Variants in FRMD4A observed in about 807,000 individuals in gnomAD.
FRMD4A encodes the protein FERM domain-containing protein 4A.
In FRMD4A, 29 loss-of-function variants were observed where a neutral mutation model predicts 129.1. The ratio of observed to expected loss-of-function variants is 0.22; its 90% CI spans 0.17 to 0.31. FRMD4A has a LOEUF of 0.31. Among genes scored for constraint, FRMD4A ranks in the 10% least tolerant of loss-of-function variants. The probability of loss-of-function intolerance (pLI) is 1.00; values close to 1 mark genes in which losing one functional copy is unlikely to be tolerated. For missense variants in FRMD4A, 1,272 were observed against 1,375.8 expected (o/e 0.92, Z 1.19); for synonymous variants, 634 against 571.6 (o/e 1.11, Z -1.56).
At chr10:14,330,319 A>AAG in intron 1 of FRMD4A, 136 bp from the exon 2 acceptor site, 1 of 545,460 alleles carries the variant, frequency 1.8e-6, no homozygotes, top group South Asian at 2.6e-5. Flanking sequence ...AAAAAAAAAA[A>AAG]AGAAGAAGGA....
intron 3 of FRMD4A, among the ~76,000 whole-genome samples, chr10:13,831,875 G>C (rs1329864885): frequency 6.6e-6 from 1 of 152,144 alleles, no homozygotes; most frequent in African/African-American, 2.4e-5. Flanking sequence ...CTCCAAAATG[G>C]AGACAGTGCT....
intron 2 of FRMD4A, among the ~76,000 whole-genome samples, chr10:14,010,653 C>T (rs945391377): frequency 4.8e-5 from 5 of 103,206 alleles, no homozygotes; most frequent in East Asian, 4.8e-4. Context: ...AATTAATTGT[C>T]GAGTTTAGGT....
At chr10:14,280,318 T>C (rs993291063) in intron 2 of FRMD4A, among the ~76,000 whole-genome samples, 8 of 151,834 alleles carry the variant, frequency 5.3e-5, no homozygotes, top group African/African-American at 1.7e-4. Flanking sequence ...GAAAATACTT[T>C]TTTTTTTTTT....
At chr10:13,770,325 C>T (rs2092420018) in intron 6 of FRMD4A, among the ~76,000 whole-genome samples, 1 of 152,224 alleles carries the variant, frequency 6.6e-6, no homozygotes, top group Admixed American at 6.5e-5. Flanking sequence ...TGCTCAGCCG[C>T]AACCCTAACT....
chr10:13,776,357 C>T (rs1322704479), intron 6 of FRMD4A, among the ~76,000 whole-genome samples: 1 of 152,232 alleles, frequency 6.6e-6, no homozygotes, highest in Non-Finnish European at 1.5e-5. Context: ...GTGATCCTCC[C>T]ACCTCAGCCT....
intron 2 of FRMD4A, among the ~76,000 whole-genome samples, chr10:14,133,499 C>T (rs1169728510): frequency 6.6e-6 from 1 of 152,184 alleles, no homozygotes. Context: ...CAGGACTACA[C>T]CCACTTGGCC....
chr10:14,148,013 A>G (rs939297777), intron 2 of FRMD4A, among the ~76,000 whole-genome samples: 4 of 152,182 alleles, frequency 2.6e-5, no homozygotes, highest in African/African-American at 9.7e-5. Context: ...AATTCCAGTA[A>G]TATTCTTAGA....
intron 2 of FRMD4A, among the ~76,000 whole-genome samples, chr10:14,240,299 A>G (rs566277048): frequency 6.6e-6 from 1 of 152,238 alleles, no homozygotes; most frequent in East Asian, 1.9e-4. Context: ...GCCATTTATG[A>G]TTTCTCAGAC....
chr10:13,751,534 AC>A (rs2091624563), intron 8 of FRMD4A, among the ~76,000 whole-genome samples: 2 of 152,230 alleles, frequency 1.3e-5, no homozygotes, highest in Admixed American at 6.5e-5. Flanking sequence ...CTAATGGGAA[AC>A]TTGGTCACTC....
At chr10:13,957,010 C>T (rs1376089433) in intron 2 of FRMD4A, among the ~76,000 whole-genome samples, 1 of 152,188 alleles carries the variant, frequency 6.6e-6, no homozygotes, top group Non-Finnish European at 1.5e-5. Context: ...TCTGCTTGTC[C>T]AGAACATTCT....
chr10:13,689,023 A>G (rs1481705277), intron 15 of FRMD4A, among the ~76,000 whole-genome samples: 2 of 152,036 alleles, frequency 1.3e-5, no homozygotes, highest in African/African-American at 4.8e-5. Flanking sequence ...AATAGGTATC[A>G]ATGACATTCT....
intron 2 of FRMD4A, among the ~76,000 whole-genome samples, chr10:14,239,484 G>T (rs1467575154): frequency 6.6e-6 from 1 of 152,102 alleles, no homozygotes; most frequent in African/African-American, 2.4e-5. Flanking sequence ...AAAATTAGCT[G>T]GGCGTGGTGG....
intron 2 of FRMD4A, among the ~76,000 whole-genome samples, chr10:14,011,508 T>G (rs907973535): frequency 1.3e-5 from 2 of 152,074 alleles, no homozygotes; most frequent in Non-Finnish European, 2.9e-5. Context: ...TGAGGAGAAA[T>G]GCCTGGCCCT....
chr10:13,967,425 G>C (rs987722446), intron 2 of FRMD4A, among the ~76,000 whole-genome samples: 24 of 152,240 alleles, frequency 1.6e-4, no homozygotes, highest in African/African-American at 5.8e-4. Flanking sequence ...TACAAATTGG[G>C]TGCAGTGTAT....
chr10:14,193,132 A>G (rs1842367373), intron 2 of FRMD4A, among the ~76,000 whole-genome samples: 1 of 152,206 alleles, frequency 6.6e-6, no homozygotes, highest in African/African-American at 2.4e-5. Flanking sequence ...GGTAATCATG[A>G]TCTTGGGAAG....
At chr10:13,896,302 A>AATGTGGC (rs1156916190) in intron 2 of FRMD4A, among the ~76,000 whole-genome samples, 2 of 152,236 alleles carry the variant, frequency 1.3e-5, no homozygotes, top group Non-Finnish European at 2.9e-5. Flanking sequence ...GGATAAAGAA[A>AATGTGGC]ATGTGGCACA....
At chr10:14,191,178 G>A (rs1034522479) in intron 2 of FRMD4A, among the ~76,000 whole-genome samples, 1 of 152,194 alleles carries the variant, frequency 6.6e-6, no homozygotes, top group Non-Finnish European at 1.5e-5. Context: ...TTTTCAGCAA[G>A]TTTTTGCTTT....
At chr10:13,679,628 C>T (rs74796385) in intron 15 of FRMD4A, among the ~76,000 whole-genome samples, 10,197 of 150,998 alleles carry the variant, frequency 0.068, 354 homozygotes, top group Middle Eastern at 0.09. Context: ...TTCCACTCCA[C>T]GTTCCTCAAA....
At chr10:14,126,997 A>T (rs1170379031) in intron 2 of FRMD4A, among the ~76,000 whole-genome samples, 2 of 152,338 alleles carry the variant, frequency 1.3e-5, no homozygotes, top group South Asian at 4.1e-4. Flanking sequence ...GCAAGAATGC[A>T]CAGTTCCTGC....
Sources: gnomAD v4.1 joint callset for allele counts (sites outside exome capture counted in the v4.1 genomes callset) on GRCh38, gnomAD v4.1.1 for gene constraint, MANE v1.5 for transcripts, NCBI Gene and HGNC (gene_info 2026-07-23, HGNC 2026-07-21) for gene names.